The following OPRM1 variants were observed in gnomAD, a reference collection of about 807,000 sequenced individuals.
OPRM1 encodes opioid receptor mu 1, also known as mu-type opioid receptor.
A neutral mutation model predicts 31.8 loss-of-function variants in OPRM1; 27 were observed. The observed-to-expected ratio is 0.85, with a 90% confidence interval of 0.63 to 1.17. The LOEUF (loss-of-function observed/expected upper bound fraction) is 1.17, where lower values mean the gene tolerates loss of function less well. OPRM1 is among the 50% of genes most tolerant of loss of function. OPRM1 has a pLI of 0.00. For synonymous variants in OPRM1, 196 were observed against 189.9 expected, an observed-to-expected ratio of 1.03 and a Z score of -0.26; for missense variants, 536 against 511.1, an observed-to-expected ratio of 1.05 and a Z score of -0.47.
chr6:154,052,830 C>T (rs1370316004), intron 1 of OPRM1, among the ~76,000 whole-genome samples: 1 of 151,750 alleles, frequency 6.6e-6, no homozygotes, highest in Non-Finnish European at 1.5e-5. Context: ...ATGTATATAC[C>T]CACAAAAATT....
chr6:154,047,687 T>C lies in OPRM1; in HGVS notation c.290+7853T>C, dbSNP rs73788988. On this transcript the variant is annotated intron_variant, in intron 1 of 3. Transcript: ENST00000330432. ...TCATTCTGTTCTGGATATGTGTCTG[T>C]CCAGGCAAAAATGTTGTTAAGTACA... 2.9e-3 allele frequency among the ~76,000 whole-genome samples: 437 copies of C among 152,314 alleles called. 2 individuals are homozygous for C. The highest frequency in any genetic ancestry group is 0.01 in the African/African-American group (422 of 41,574).
intron 1 of OPRM1, among the ~76,000 whole-genome samples, chr6:154,045,611 G>A (rs1329780763): frequency 2.0e-5 from 3 of 152,194 alleles, no homozygotes; most frequent in Non-Finnish European, 2.9e-5. Context: ...TATCCTTCTC[G>A]TGCCCACCTC....
chr6:154,012,920 C>T (rs1174036336), intron 1 of OPRM1, among the ~76,000 whole-genome samples: 3 of 152,048 alleles, frequency 2.0e-5, no homozygotes, highest in Non-Finnish European at 4.4e-5. Flanking sequence ...TAAGGGCACT[C>T]ATCCCATCAT....
chr6:154,039,634 C>CTAAG lies in OPRM1; in HGVS notation c.91_92insAAGT (p.Trp31Ter), dbSNP rs1413027831. On this transcript the variant is annotated stop_gained and frameshift_variant, in exon 1 of 4. Coordinates refer to ENST00000330432, the MANE Select transcript of OPRM1 (RefSeq NM_000914.5). LOFTEE classifies it high-confidence loss of function. Reference sequence around the variant, plus strand: ...GCTCCCCAGCACCCAGCCCCGGTTCCTGGGTCAACTTGTCCCACTTAGATG... The same window carrying CTAAG: ...GCTCCCCAGCACCCAGCCCCGGTTCCTAAGTGGGTCAACTTGTCCCACTTAGATG... The CTAAG allele has an allele frequency of 6.2e-7, 1 of 1,613,788 alleles. No homozygotes were observed.
rs553470597 is a variant in OPRM1, at chr6:154,094,515, A to G, written c.1164+3043A>G. On this transcript the variant is annotated intron_variant, in intron 3 of 3. Coordinates refer to ENST00000330432, the MANE Select transcript of OPRM1 (RefSeq NM_000914.5). ...CTGGGCTTGGCTGGACCGTTCTTCC[A>G]GTATTGGCTGGGCTTGCTCGGAGGG... 2.1e-4 allele frequency among the ~76,000 whole-genome samples: 32 copies of G among 152,316 alleles called. No individual in the cohort carries two copies. In the South Asian group the frequency reaches 6.2e-3, roughly 30 times the overall value.
chr6:154,127,263 A>G lies in OPRM1; in HGVS notation c.*8542A>G, dbSNP rs1462238764. ...TTCTGAGATGTCATGCTTTGAAATCAGTGGCCATTATCATCTAAGGATTCC... is the reference window on the plus strand; with the variant it reads ...TTCTGAGATGTCATGCTTTGAAATCGGTGGCCATTATCATCTAAGGATTCC... On this transcript the variant is annotated 3_prime_UTR_variant, in exon 4 of 4. Coordinates refer to ENST00000330432, the MANE Select transcript of OPRM1 (RefSeq NM_000914.5). 6.6e-6 allele frequency among the ~76,000 whole-genome samples: 1 copy of G among 152,192 alleles called. No homozygotes were observed. The highest frequency in any genetic ancestry group is 6.5e-5 in the Admixed American group (1 of 15,282).
intron 1 of OPRM1, among the ~76,000 whole-genome samples, chr6:154,050,747 A>C (rs1230858511): frequency 6.6e-6 from 1 of 152,172 alleles, no homozygotes; most frequent in African/African-American, 2.4e-5. Flanking sequence ...CACATTTTAA[A>C]ATAACATAAA....
intron 3 of OPRM1, chr6:154,157,744 C>G (rs1410424686): frequency 6.6e-6 from 1 of 152,224 alleles, no homozygotes; most frequent in Non-Finnish European, 1.5e-5. Flanking sequence ...GTTATTTCTG[C>G]TATTGTTATT....
chr6:154,039,819 T>A lies in OPRM1; in HGVS notation c.275T>A (p.Met92Lys). The A allele has an allele frequency of 6.3e-7, 1 of 1,585,476 alleles. No homozygotes were observed. ...GGGCTCTTCGGAAACTTCCTGGTCA[T>A]GTATGTGATTGTCAGGTAAGGAAAG... ...VVGLFGNFLV[M>K]YVIVRYTKMK... Residue 92 changes from methionine (M) to lysine (K), a missense_variant, in exon 1 of 4, where the codon ATG becomes AAG. Physicochemically the swap from Met to Lys is moderately conservative, Grantham distance 95. Coordinates refer to ENST00000330432, the MANE Select transcript of OPRM1 (RefSeq NM_000914.5).
intron 3 of OPRM1, among the ~76,000 whole-genome samples, chr6:154,209,353 T>C (rs1236025384): frequency 6.6e-6 from 1 of 152,176 alleles, no homozygotes; most frequent in East Asian, 1.9e-4. Context: ...CAATTCACTC[T>C]CTGCATAAAA....
chr6:154,189,681 A>G (rs532308412), intron 3 of OPRM1, among the ~76,000 whole-genome samples: 59 of 152,274 alleles, frequency 3.9e-4, no homozygotes, highest in African/African-American at 1.3e-3. Flanking sequence ...TTGAAACATC[A>G]CACCGGGCCA....
chr6:154,213,986 C>T (rs903320391), intron 3 of OPRM1, among the ~76,000 whole-genome samples: 6 of 152,140 alleles, frequency 3.9e-5, no homozygotes, highest in African/African-American at 1.4e-4. Context: ...CCACAGCTGC[C>T]GGAGTGTGGG....
chr6:154,231,124 C>T lies in OPRM1; in HGVS notation c.1165-15569C>T, dbSNP rs1779680602. Among the ~76,000 whole-genome samples the T allele has an allele frequency of 3.3e-5, 5 of 152,156 alleles. No individual in the cohort carries two copies. The South Asian group carries it at 6.2e-4, about 19-fold the overall frequency. On this transcript the variant is annotated intron_variant, in intron 3 of 3. Transcript: ENST00000337049. ...TGAGCTGAGCTGCCCATTCTCATGCCGCCTTAGAACAGTTGTCTCTAGATT... is the reference window on the plus strand; with the variant it reads ...TGAGCTGAGCTGCCCATTCTCATGCTGCCTTAGAACAGTTGTCTCTAGATT...
intron 3 of OPRM1, chr6:154,167,778 G>T: frequency 1.7e-6 from 1 of 579,084 alleles, no homozygotes; most frequent in Non-Finnish European, 3.0e-6. Flanking sequence ...AGATCATCTT[G>T]CCCTATAAAG....
chr6:154,110,602 T>C, intron 3 of OPRM1: 1 of 540,006 alleles, frequency 1.9e-6, no homozygotes, highest in Non-Finnish European at 3.3e-6. Flanking sequence ...GAATTAGGAC[T>C]CATTGGCCGG....
In OPRM1 at chr6:154,128,547, G is replaced by A. The variant is rs1322552902; in HGVS notation, c.*9826G>A. On this transcript the variant is annotated 3_prime_UTR_variant, in exon 4 of 4. Coordinates refer to ENST00000330432, the MANE Select transcript of OPRM1 (RefSeq NM_000914.5). ...TGTGCACATGCATATTAAAATATGG[G>A]CACCTCTTTTAATTCTTTTTTTTCT... is the stretch of plus-strand genomic sequence containing the variant. 6.6e-6 allele frequency among the ~76,000 whole-genome samples: 1 copy of A among 152,182 alleles called. No homozygotes were observed. The highest frequency in any genetic ancestry group is 2.4e-5 in the African/African-American group (1 of 41,442).
chr6:154,023,981 A>T (rs184326448), intron 1 of OPRM1, among the ~76,000 whole-genome samples: 1 of 152,032 alleles, frequency 6.6e-6, no homozygotes, highest in Admixed American at 6.6e-5. Context: ...TGTTCATCAG[A>T]GGTCTTGGCC....
At chr6:154,172,169 C>T (rs1470249651) in intron 3 of OPRM1, among the ~76,000 whole-genome samples, 1 of 152,194 alleles carries the variant, frequency 6.6e-6, no homozygotes, top group Non-Finnish European at 1.5e-5. Context: ...ATTATCATTG[C>T]TTCCAAGATA....
intron 1 of OPRM1, among the ~76,000 whole-genome samples, chr6:154,065,603 G>A (rs1289977830): frequency 6.6e-6 from 1 of 151,996 alleles, no homozygotes; most frequent in Non-Finnish European, 1.5e-5. Context: ...ATTTTTATAT[G>A]TTGACTTTGT....
Sources: gnomAD v4.1 joint callset for allele counts (sites outside exome capture counted in the v4.1 genomes callset) on GRCh38, gnomAD v4.1.1 for gene constraint, MANE v1.5 for transcripts, NCBI Gene and HGNC (gene_info 2026-07-23, HGNC 2026-07-21) for gene names.